Variants in FCN3 observed in about 807,000 individuals in gnomAD.
The protein encoded by FCN3 is ficolin 3, also known as ficolin-3.
In FCN3, 28 loss-of-function variants were observed where a neutral mutation model predicts 31.5. That is an observed-to-expected ratio of 0.89 (90% CI 0.66 to 1.22). The LOEUF is 1.22. FCN3 is among the 50% of genes most tolerant of loss of function. The probability of loss-of-function intolerance (pLI) is 0.00; values close to 1 mark genes in which losing one functional copy is unlikely to be tolerated. For synonymous variants in FCN3, 124 were observed against 147.4 expected (o/e 0.84, Z 1.15); for missense variants, 351 against 386.8 (o/e 0.91, Z 0.78).
In FCN3 at chr1:27,370,665, T is replaced by C; in HGVS notation, c.589A>G (p.Thr197Ala). The C allele has an allele frequency of 6.2e-7, 1 of 1,614,078 alleles. No homozygotes were observed. ...TCTACCTCACCGAGGAGGCGGAAGGTCGCATAGTGGGCGAAAGTACGGTTA... is the reference window on the plus strand; with the variant it reads ...TCTACCTCACCGAGGAGGCGGAAGGCCGCATAGTGGGCGAAAGTACGGTTA... Reference protein sequence around the residue: ...NGNRTFAHYATFRLLGEVDHY... With the variant: ...NGNRTFAHYAAFRLLGEVDHY... The change falls in exon 7 of 8, where the codon ACC becomes GCC. Residue 197 changes from threonine to alanine, a missense_variant. Physicochemically the swap from Thr to Ala is moderately conservative, Grantham distance 58. Coordinates refer to ENST00000270879, the MANE Select transcript of FCN3 (RefSeq NM_003665.4).
rs2016187464 is a variant in FCN3, at chr1:27,373,366, T to G, written c.266-103A>C. On this transcript the variant is annotated intron_variant, in intron 4 of 7. Transcript: ENST00000270879. ...GGACCCTAGGGACCCTCTTGGCTCC[T>G]TCAGGTCCCTGAAGAAGGGTTCTGA... is the stretch of plus-strand genomic sequence containing the variant. The G allele has an allele frequency of 1.9e-6, 3 of 1,595,780 alleles. No homozygotes were observed. The South Asian group carries it at 3.3e-5, about 18-fold the overall frequency.
chr1:27,373,701 C>T lies in FCN3; in HGVS notation c.233-181G>A. ...TTCTCCTAATCCTCTCCACTCCTCC[C>T]AGCCTTCCAAACCCTGTAGGAGGGC... On this transcript the variant is annotated intron_variant, in intron 3 of 7. Coordinates refer to ENST00000270879, the MANE Select transcript of FCN3 (RefSeq NM_003665.4). 1.0e-5 allele frequency: 7 copies of T among 700,968 alleles called. No homozygotes were observed. In the South Asian group the frequency reaches 1.0e-4, roughly 10 times the overall value. The allele number at this position is 700,968 out of a possible 1,614,324, so 43.4% of individuals were successfully genotyped here.
At position 27,370,682 on chromosome 1, in the gene FCN3, G is replaced by T; in HGVS notation, c.572C>A (p.Thr191Asn). The change falls in exon 7 of 8, where the codon ACT becomes AAT. Residue 191 changes from threonine to asparagine, a missense_variant. Transcript: ENST00000270879. ...GCGGAAGGTCGCATAGTGGGCGAAA[G>T]TACGGTTACCATTAAAGTCTTCCAG... ...VELEDFNGNR[T>N]FAHYATFRLL... is the part of the protein sequence containing the mutation. The T allele has an allele frequency of 5.0e-6, 8 of 1,614,236 alleles. No individual in the cohort carries two copies. The highest frequency in any genetic ancestry group is 6.8e-6 in the Non-Finnish European group (8 of 1,180,050).
Position 27,370,936 on chromosome 1 carries a change from A to C in FCN3, c.430T>G (p.Phe144Val). 1 of 1,613,628 alleles carries C rather than the reference A, an allele frequency of 6.2e-7. No homozygotes were observed. Among genetic ancestry groups the C allele is most frequent in the Non-Finnish European group, 8.5e-7 (1 of 1,179,974 alleles). Residue 144 changes from phenylalanine (F) to valine (V), a missense_variant, in exon 6 of 8, where the codon TTC (phenylalanine) becomes GTC (valine). By Grantham distance (50) the Phe-to-Val change is conservative. Coordinates refer to ENST00000270879, the MANE Select transcript of FCN3 (RefSeq NM_003665.4). ...GCTCTGTAGGAGGACCAAGAGCGGA[A>C]GAAATCCACAGAACCATCCTGGCGC... Reference protein sequence around the residue: ...QRRQDGSVDFFRSWSSYRAGF... With the variant: ...QRRQDGSVDFVRSWSSYRAGF...
chr1:27,370,812 C>G (rs1248979692), intron 6 of FCN3, 31 bp downstream of exon 6: 4 of 1,611,764 alleles, frequency 2.5e-6, no homozygotes, highest in Admixed American at 1.7e-5. Flanking sequence ...GACAGTAACC[C>G]CCAGACTCCA....
intron 5 of FCN3, among the ~76,000 whole-genome samples, chr1:27,372,578 C>T (rs2148071638): frequency 6.6e-6 from 1 of 152,322 alleles, no homozygotes; most frequent in African/African-American, 2.4e-5. Flanking sequence ...CTGCACACTT[C>T]TTAAGTTGAT....
chr1:27,374,516 C>T lies in FCN3; in HGVS notation c.92-65G>A, dbSNP rs1166300616. On this transcript the variant is annotated intron_variant, in intron 1 of 7. Coordinates refer to ENST00000270879, the MANE Select transcript of FCN3 (RefSeq NM_003665.4). ...GTCTCTTCCAGACCCCTCTTCAGTTCTCTTCCTGTCTCCCAGATTCCCACT... is the reference window on the plus strand; with the variant it reads ...GTCTCTTCCAGACCCCTCTTCAGTTTTCTTCCTGTCTCCCAGATTCCCACT... The T allele has an allele frequency of 2.8e-6, 3 of 1,082,788 alleles. No homozygotes were observed. In the African/African-American group the frequency reaches 4.7e-5, roughly 17 times the overall value. 67.1% of individuals were successfully genotyped at this position (1,082,788 alleles called of 1,614,324 possible).
intron 5 of FCN3, among the ~76,000 whole-genome samples, chr1:27,372,183 G>A (rs1391728487): frequency 6.6e-6 from 1 of 151,378 alleles, no homozygotes; most frequent in Non-Finnish European, 1.5e-5. Context: ...TAAAACAGAA[G>A]TTCTACTTGG....
At chr1:27,369,535 G>T (rs1036540767) in intron 7 of FCN3, 58 bp from the exon 8 acceptor site, 23 of 1,515,084 alleles carry the variant, frequency 1.5e-5, no homozygotes, top group Middle Eastern at 1.7e-4. Flanking sequence ...GGCACCTTTG[G>T]AGATATAATG....
intron 5 of FCN3, among the ~76,000 whole-genome samples, chr1:27,372,599 C>T (rs181500308): frequency 2.9e-3 from 447 of 152,256 alleles, no homozygotes; most frequent in African/African-American, 9.8e-3. Context: ...CATTTAGTGC[C>T]TTCCATGAAC....
In FCN3 at chr1:27,370,635, A is replaced by G. The variant is rs1034912946; in HGVS notation, c.619T>C (p.Tyr207His). Residue 207 changes from tyrosine (Y) to histidine (H), a missense_variant, in exon 7 of 8, where the codon TAC becomes CAC. Transcript: ENST00000270879. The part of the protein sequence containing the change: ...TFRLLGEVDH[Y>H]QLALGKFSEG... The stretch of plus-strand genomic sequence containing the variant: ...GAGAACTTGCCCAGTGCCAGCTGGT[A>G]GTGGTCTACCTCACCGAGGAGGCGG... 2 of 1,614,242 alleles carry G rather than the reference A, an allele frequency of 1.2e-6. No individual in the cohort carries two copies. The highest frequency in any genetic ancestry group is 1.3e-5 in the African/African-American group (1 of 75,072).
chr1:27,370,783 G>A (rs1287471104), intron 6 of FCN3, 53 bp from the exon 7 acceptor site: 2 of 1,611,224 alleles, frequency 1.2e-6, no homozygotes, highest in African/African-American at 2.7e-5. Context: ...TGGGGGTGGG[G>A]CAGGGATTCA....
rs1032602078 is a variant in FCN3, at chr1:27,374,018, A to G, written c.188-9T>C. 3.7e-6 allele frequency: 6 copies of G among 1,613,038 alleles called. No homozygotes were observed. Among genetic ancestry groups the G allele is most frequent in the Non-Finnish European group, 5.1e-6 (6 of 1,179,660 alleles). ...TGGTGGTCCAGGTGGCCCTGAAATC[A>G]CAAAGGCAGAGATTTCCTGAGTCCC... On this transcript the variant is annotated splice_polypyrimidine_tract_variant and intron_variant, in intron 2 of 7. Coordinates refer to ENST00000270879, the MANE Select transcript of FCN3 (RefSeq NM_003665.4).
intron 1 of FCN3, 98 bp from the exon 2 acceptor site, chr1:27,374,549 T>A: frequency 1.1e-6 from 1 of 885,266 alleles, no homozygotes; most frequent in Non-Finnish European, 1.8e-6. Context: ...ACTGTCAGGA[T>A]GCTTGTCTCC....
intron 5 of FCN3, among the ~76,000 whole-genome samples, chr1:27,372,773 A>ATTTTT (rs71010351): frequency 0.28 from 26,891 of 95,922 alleles, 5,586 homozygotes; most frequent in Non-Finnish European, 0.38. Context: ...TCCCTACCCT[A>ATTTTT]TTTTTTTTTT....
chr1:27,369,235 C>T lies in FCN3; in HGVS notation c.*1G>A. 1 of 1,614,114 alleles carries T rather than the reference C, an allele frequency of 6.2e-7. No individual in the cohort carries two copies. Among genetic ancestry groups the T allele is most frequent in the Non-Finnish European group, 8.5e-7 (1 of 1,179,962 alleles). On this transcript the variant is annotated 3_prime_UTR_variant, in exon 8 of 8. Coordinates refer to ENST00000270879, the MANE Select transcript of FCN3 (RefSeq NM_003665.4). ...ATAAGGGCACTGGCTGCCAGAGTGC[C>T]CTATCGAAGCATCATCCGAACCCTG...
rs557793026 is a variant in FCN3, at chr1:27,373,649, G to A, written c.233-129C>T. The A allele has an allele frequency of 5.1e-6, 5 of 971,950 alleles. No homozygotes were observed. The East Asian group carries it at 7.9e-5, about 15-fold the overall frequency. The allele number at this position is 971,950 out of a possible 1,614,324, so 60.2% of individuals were successfully genotyped here. Reference sequence around the variant, plus strand: ...CCTCCCAGCCTTCCATACCCTGTAGGAGGGCCATCATAGGGTACCCAGGCC... The same window carrying A: ...CCTCCCAGCCTTCCATACCCTGTAGAAGGGCCATCATAGGGTACCCAGGCC... On this transcript the variant is annotated intron_variant, in intron 3 of 7. Coordinates refer to ENST00000270879, the MANE Select transcript of FCN3 (RefSeq NM_003665.4).
rs745897276 is a variant in FCN3, at chr1:27,373,202, C to G, written c.327G>C (p.Leu109=). The change falls in exon 5 of 8, where the codon CTG becomes CTC. Residue 109 remains leucine, a synonymous_variant. Coordinates refer to ENST00000270879, the MANE Select transcript of FCN3 (RefSeq NM_003665.4). ...GGAGGGCCCTGCCCTCAGGTAGGCA[C>G]AGATGGTACCAGCCGCTCAAGGTGG... ...QGATLSGWYH[L]CLPEGRALPV... 1.2e-6 allele frequency: 2 copies of G among 1,613,956 alleles called. No individual in the cohort carries two copies. Among genetic ancestry groups the G allele is most frequent in the African/African-American group, 2.7e-5 (2 of 74,916 alleles).
Position 27,373,385 on chromosome 1 carries a change from G to T in FCN3, c.265+103C>A. ...GGCTCCTTCAGGTCCCTGAAGAAGG[G>T]TTCTGAGGAGGCTGTGGGGAGGATC... On this transcript the variant is annotated intron_variant, in intron 4 of 7. Transcript: ENST00000270879. 4 of 1,594,928 alleles carry T rather than the reference G, an allele frequency of 2.5e-6. No homozygotes were observed. The Admixed American group carries it at 5.1e-5, about 20-fold the overall frequency.
Sources: gnomAD v4.1 joint callset for allele counts (sites outside exome capture counted in the v4.1 genomes callset) on GRCh38, gnomAD v4.1.1 for gene constraint, MANE v1.5 for transcripts, NCBI Gene and HGNC (gene_info 2026-07-23, HGNC 2026-07-21) for gene names.